STAG1: variants seen among roughly 807,000 people sequenced by gnomAD.
STAG1 encodes the protein STAG1 cohesin complex component.
In STAG1, 26 loss-of-function variants were observed where a neutral mutation model predicts 170.9. The observed-to-expected ratio is 0.15, with a 90% CI of 0.11 to 0.21. The LOEUF (loss-of-function observed/expected upper bound fraction) is 0.21, where lower values mean the gene tolerates loss of function less well. Among genes scored for constraint, STAG1 ranks in the 10% least tolerant of loss-of-function variants. STAG1 has a pLI of 1.00. For missense variants in STAG1, 964 were observed against 1,509.5 expected (o/e 0.64, Z 5.99); for synonymous variants, 514 against 497.7 (o/e 1.03, Z -0.44).
intron 15 of STAG1, among the ~76,000 whole-genome samples, chr3:136,436,612 T>C (rs528258122): frequency 3.2e-4 from 49 of 152,126 alleles, no homozygotes; most frequent in Middle Eastern, 3.4e-3. Flanking sequence ...TCGAATAGTT[T>C]AGTTCTTTCT....
rs192494410 is a variant in STAG1 at position 136,499,352 on chromosome 3, T to A, written c.902+871A>T. On this transcript the variant is annotated intron_variant, in intron 9 of 33. Transcript: ENST00000383202. ...AGTGCACACTACCACACCGGGCTGA[T>A]TTTTAAATTTTCTGTAGAGATGCAG... 4.0e-3 allele frequency among the ~76,000 whole-genome samples: 615 copies of A among 152,196 alleles called. 4 individuals are homozygous for A. Among genetic ancestry groups the A allele is most frequent in the African/African-American group, 0.014 (578 of 41,506 alleles).
chr3:136,436,814 T>A (rs989723166), intron 15 of STAG1, among the ~76,000 whole-genome samples: 1 of 152,222 alleles, frequency 6.6e-6, no homozygotes, highest in Non-Finnish European at 1.5e-5. Flanking sequence ...TTCTTTATTC[T>A]GTACCAAAAT....
chr3:136,465,400 T>C lies in STAG1; in HGVS notation c.1206-412A>G, dbSNP rs372838578. On this transcript the variant is annotated intron_variant, in intron 12 of 33. Transcript: ENST00000383202. ...ACGCTCAGCTAATTTTTTGTATTTT[T>C]AGTAGAAACGGGGTTTCGTCATGTT... Among the ~76,000 whole-genome samples, 64 of 151,574 alleles carry C rather than the reference T, an allele frequency of 4.2e-4. 1 individual carries two copies. The East Asian group carries it at 0.012, about 27-fold the overall frequency.
intron 3 of STAG1, 37 bp downstream of exon 3, chr3:136,623,109 C>G (rs779391322): frequency 1.6e-5 from 24 of 1,548,386 alleles, no homozygotes; most frequent in South Asian, 2.3e-5. Context: ...AACACGGTCA[C>G]TATTAAAGGA....
In STAG1 at chr3:136,633,831, A is replaced by C. The variant is rs573510869; in HGVS notation, c.-83-2850T>G. 1.7e-3 allele frequency among the ~76,000 whole-genome samples: 255 copies of C among 150,874 alleles called. 1 individual carries two copies. Among genetic ancestry groups the C allele is most frequent in the African/African-American group, 5.2e-3 (214 of 41,164 alleles). On this transcript the variant is annotated intron_variant, in intron 1 of 33. Transcript: ENST00000383202. ...ATAGAGACTCCATCTCTACAAAAAA[A>C]TTTAAAAACTGGCCAGGCACAGTAG...
chr3:136,683,990 A>G (rs1559949532), intron 1 of STAG1, among the ~76,000 whole-genome samples: 1 of 152,350 alleles, frequency 6.6e-6, no homozygotes, highest in East Asian at 1.9e-4. Flanking sequence ...TACAAGATAT[A>G]TATGAGGAAA....
chr3:136,348,292 G>T (rs1385908694), intron 29 of STAG1, among the ~76,000 whole-genome samples: 14 of 139,022 alleles, frequency 1.0e-4, no homozygotes, highest in South Asian at 9.3e-4. Context: ...CAATTTTTAG[G>T]TTTTTTTTTT....
At chr3:136,399,224 T>C (rs2087249564) in intron 21 of STAG1, among the ~76,000 whole-genome samples, 1 of 152,196 alleles carries the variant, frequency 6.6e-6, no homozygotes, top group African/African-American at 2.4e-5. Context: ...TCTTTTAAAG[T>C]ATTTTAATGT....
intron 12 of STAG1, 27 bp from the exon 13 acceptor site, chr3:136,465,015 A>T: frequency 2.0e-6 from 3 of 1,509,710 alleles, no homozygotes; most frequent in Non-Finnish European, 2.7e-6. Context: ...GTAACATCTG[A>T]TCTAAAGCAA....
intron 4 of STAG1, among the ~76,000 whole-genome samples, chr3:136,582,668 G>A (rs1937615131): frequency 6.6e-6 from 1 of 152,144 alleles, no homozygotes; most frequent in Non-Finnish European, 1.5e-5. Flanking sequence ...GCGTGGTGGT[G>A]CGTGCCTGTA....
intron 1 of STAG1, among the ~76,000 whole-genome samples, chr3:136,642,502 G>A (rs924132767): frequency 1.1e-4 from 17 of 151,940 alleles, no homozygotes; most frequent in African/African-American, 4.1e-4. Context: ...AAACTCCCAA[G>A]TGATCCACCC....
intron 4 of STAG1, among the ~76,000 whole-genome samples, chr3:136,586,386 G>T (rs1937824620): frequency 6.6e-6 from 1 of 152,046 alleles, no homozygotes; most frequent in Non-Finnish European, 1.5e-5. Flanking sequence ...TGATTTACGG[G>T]AAATCATGAA....
chr3:136,382,115 GTTTT>G (rs1219074583), intron 22 of STAG1, among the ~76,000 whole-genome samples: 1 of 152,140 alleles, frequency 6.6e-6, no homozygotes, highest in Non-Finnish European at 1.5e-5. Context: ...TAATTATTGG[GTTTT>G]TAAGAAATGA....
chr3:136,564,277 T>C (rs899294145), intron 5 of STAG1, among the ~76,000 whole-genome samples: 7 of 152,248 alleles, frequency 4.6e-5, no homozygotes, highest in Admixed American at 4.6e-4. Flanking sequence ...AGTCAACAGA[T>C]AAGACATAAA....
intron 6 of STAG1, among the ~76,000 whole-genome samples, chr3:136,525,942 T>C (rs1934996079): frequency 1.3e-5 from 2 of 152,358 alleles, no homozygotes; most frequent in South Asian, 4.1e-4. Flanking sequence ...CTAGTTTGAT[T>C]GCACTGTGGT....
At chr3:136,394,938 C>CA (rs778204800) in intron 22 of STAG1, among the ~76,000 whole-genome samples, 3,678 of 58,314 alleles carry the variant, frequency 0.063, 149 homozygotes, top group East Asian at 0.15. Context: ...GACTCTGTCT[C>CA]AAAAAAAAAA....
intron 1 of STAG1, among the ~76,000 whole-genome samples, chr3:136,695,075 T>C (rs1942844780): frequency 6.6e-6 from 1 of 152,234 alleles, no homozygotes; most frequent in Non-Finnish European, 1.5e-5. Flanking sequence ...CTAAGGTATA[T>C]GTCCAATTTA....
chr3:136,499,736 T>C (rs1933364928), intron 9 of STAG1: 1 of 152,210 alleles, frequency 6.6e-6, no homozygotes, highest in African/African-American at 2.4e-5. Context: ...AATGTGTTTA[T>C]CTGAAAGGAA....
rs764628100 is a variant in STAG1, at chr3:136,690,960, C to T, written c.-83-59979G>A. On this transcript the variant is annotated intron_variant, in intron 1 of 33. Transcript: ENST00000383202. ...AATATCCAACGGGGCAATGTTATCT[C>T]GATTTTTCTGAGTCAGACATGCATT... is the stretch of plus-strand genomic sequence containing the variant. 4.6e-5 allele frequency among the ~76,000 whole-genome samples: 7 copies of T among 150,838 alleles called. No individual in the cohort carries two copies. The South Asian group carries it at 8.4e-4, about 18-fold the overall frequency.
Sources: allele counts gnomAD v4.1 joint callset (sites outside exome capture counted in the v4.1 genomes callset), GRCh38; gene constraint gnomAD v4.1.1; transcripts MANE v1.5; gene names NCBI Gene and HGNC (gene_info 2026-07-23, HGNC 2026-07-21).